LSM14A: variants seen among roughly 807,000 people sequenced by gnomAD.
LSM14A encodes the protein LSM14A mRNA processing body assembly factor, also known as protein LSM14 homolog A.
Under a neutral mutation model 52.4 loss-of-function variants are expected in LSM14A, and 14 were observed. That is an observed-to-expected ratio of 0.27 (90% CI 0.18 to 0.42). The LOEUF (loss-of-function observed/expected upper bound fraction) is 0.42. LSM14A is among the 10% of genes least tolerant of loss of function. The pLI, the probability that LSM14A is intolerant of heterozygous loss-of-function variation, is 1.00. For missense variants in LSM14A, 417 were observed against 581.8 expected (o/e 0.72, Z 2.91); for synonymous variants, 185 against 200.3 (o/e 0.92, Z 0.64).
chr19:34,195,485 T>C lies in LSM14A; in HGVS notation c.285+844T>C, dbSNP rs146241483. ...GAGCCACTGTGCCTGGCCTGCAATGTTATATAATAAGAAAACACAAACATC... is the reference window on the plus strand; with the variant it reads ...GAGCCACTGTGCCTGGCCTGCAATGCTATATAATAAGAAAACACAAACATC... On this transcript the variant is annotated intron_variant, in intron 2 of 9. Coordinates refer to ENST00000544216, the MANE Select transcript of LSM14A (RefSeq NM_015578.4). Among the ~76,000 whole-genome samples, 25 of 152,284 alleles carry C rather than the reference T, an allele frequency of 1.6e-4. No individual in the cohort carries two copies. The East Asian group carries it at 4.6e-3, about 28-fold the overall frequency.
chr19:34,217,992 C>G (rs1043461304), intron 6 of LSM14A, among the ~76,000 whole-genome samples: 70 of 124,540 alleles, frequency 5.6e-4, no homozygotes, highest in Non-Finnish European at 9.4e-4. Flanking sequence ...ATACCCAAAA[C>G]CTTTTTTTTT....
intron 4 of LSM14A, among the ~76,000 whole-genome samples, chr19:34,211,876 A>G (rs1568493520): frequency 6.6e-6 from 1 of 152,210 alleles, no homozygotes. Context: ...ATGCAAATAG[A>G]ATAGTAGGAG....
At chr19:34,191,440 CTCT>C (rs1484910472) in intron 1 of LSM14A, among the ~76,000 whole-genome samples, 2 of 151,950 alleles carry the variant, frequency 1.3e-5, no homozygotes, top group East Asian at 1.9e-4. Flanking sequence ...TTTGATTCTT[CTCT>C]TCTTCTTTAC....
In LSM14A at chr19:34,213,019, C is replaced by T. The variant is rs1330610088; in HGVS notation, c.539-2105C>T. Among the ~76,000 whole-genome samples, 7 of 152,096 alleles carry T rather than the reference C, an allele frequency of 4.6e-5. No individual in the cohort carries two copies. In the East Asian group the frequency reaches 9.6e-4, roughly 21 times the overall value. ...AAAAAAAATTAGCAAGGTGTGGTAGCGCACATCTATAGTCCTAGCTACTCA... is the reference window on the plus strand; with the variant it reads ...AAAAAAAATTAGCAAGGTGTGGTAGTGCACATCTATAGTCCTAGCTACTCA... On this transcript the variant is annotated intron_variant, in intron 4 of 9. Coordinates refer to ENST00000544216, the MANE Select transcript of LSM14A (RefSeq NM_015578.4).
At chr19:34,212,609 A>G (rs968713197) in intron 4 of LSM14A, among the ~76,000 whole-genome samples, 24 of 152,222 alleles carry the variant, frequency 1.6e-4, no homozygotes, top group Admixed American at 3.3e-4. Flanking sequence ...GAATTTCACA[A>G]AATTAAAATT....
intron 1 of LSM14A, among the ~76,000 whole-genome samples, chr19:34,179,626 A>G (rs1330709518): frequency 1.3e-5 from 2 of 152,174 alleles, no homozygotes; most frequent in Non-Finnish European, 2.9e-5. Context: ...GGGGTAAGTA[A>G]GGTAAGCCAT....
chr19:34,214,342 T>C (rs2072414076), intron 4 of LSM14A, among the ~76,000 whole-genome samples: 1 of 151,738 alleles, frequency 6.6e-6, no homozygotes, highest in South Asian at 2.1e-4. Flanking sequence ...GACAGGGCCT[T>C]GCTCTGTCAC....
intron 4 of LSM14A, among the ~76,000 whole-genome samples, chr19:34,211,954 A>T (rs2072192812): frequency 6.6e-6 from 1 of 152,210 alleles, no homozygotes; most frequent in Non-Finnish European, 1.5e-5. Flanking sequence ...GAAAAATAAA[A>T]GTAATGGGTT....
At chr19:34,210,116 G>GT (rs1487338658) in intron 4 of LSM14A, among the ~76,000 whole-genome samples, 1 of 152,044 alleles carries the variant, frequency 6.6e-6, no homozygotes, top group African/African-American at 2.4e-5. Flanking sequence ...GTAAAACAAT[G>GT]TTGAGTCATT....
chr19:34,204,548 C>CAAA lies in LSM14A; in HGVS notation c.416-4367_416-4365dup, dbSNP rs34920125. ...GGAACATAGGGAGACCTTGTCTCTGCAAAAAAAAAAAAAAAATTTAAGTAG... is the reference window on the plus strand; with the variant it reads ...GGAACATAGGGAGACCTTGTCTCTGCAAAAAAAAAAAAAAAAAAATTTAAGTAG... On this transcript the variant is annotated intron_variant, in intron 3 of 9. Coordinates refer to ENST00000544216, the MANE Select transcript of LSM14A (RefSeq NM_015578.4). 1.7e-3 allele frequency among the ~76,000 whole-genome samples: 208 copies of CAAA among 123,422 alleles called. 1 individual carries two copies. Among genetic ancestry groups the CAAA allele is most frequent in the African/African-American group, 5.5e-3 (185 of 33,380 alleles). The allele number at this position is 123,422 out of a possible 152,430, so 81.0% of individuals were successfully genotyped here.
chr19:34,209,625 C>G (rs1267742665), intron 4 of LSM14A, among the ~76,000 whole-genome samples: 1 of 152,156 alleles, frequency 6.6e-6, no homozygotes, highest in East Asian at 1.9e-4. Context: ...TTCAACCAGC[C>G]AGTCTCATAA....
intron 3 of LSM14A, among the ~76,000 whole-genome samples, chr19:34,198,450 C>T (rs779121881): frequency 3.2e-4 from 48 of 151,728 alleles, no homozygotes; most frequent in Non-Finnish European, 6.5e-4. Flanking sequence ...CCCATCTCTA[C>T]TAAAAATACA....
rs368274705 is a variant in LSM14A, at chr19:34,194,619, C to T, written c.263C>T (p.Pro88Leu). The change falls in exon 2 of 10, where the codon CCT (proline) becomes CTT (leucine). Residue 88 changes from proline to leucine, a missense_variant. Physicochemically the swap from Pro to Leu is moderately conservative, Grantham distance 98. Transcript: ENST00000544216. ...CEPPKPQCSL[P>L]QDPAIVQSSL... The stretch of plus-strand genomic sequence containing the variant: ...CCACCAAAACCACAGTGTTCTTTGC[C>T]TCAAGACCCAGCTATTGTTCAGGTA... 6.2e-7 allele frequency: 1 copy of T among 1,614,180 alleles called. No homozygotes were observed. Among genetic ancestry groups the T allele is most frequent in the Non-Finnish European group, 8.5e-7 (1 of 1,180,030 alleles).
chr19:34,217,574 C>T (rs1248602120), intron 6 of LSM14A, among the ~76,000 whole-genome samples: 3 of 131,706 alleles, frequency 2.3e-5, no homozygotes, highest in African/African-American at 8.6e-5. Context: ...ATGTACTCTT[C>T]TCTACATTTA....
chr19:34,218,769 G>C (rs2072857897), intron 6 of LSM14A, among the ~76,000 whole-genome samples: 1 of 152,158 alleles, frequency 6.6e-6, no homozygotes, highest in Non-Finnish European at 1.5e-5. Flanking sequence ...GAGAGAGAAT[G>C]TGTAGATACA....
chr19:34,197,834 G>A (rs529004625), intron 3 of LSM14A, among the ~76,000 whole-genome samples: 133 of 152,238 alleles, frequency 8.7e-4, no homozygotes, highest in Non-Finnish European at 1.5e-3. Flanking sequence ...TTTTGTTTCT[G>A]TAACACTGGA....
At chr19:34,212,652 A>G (rs1328995035) in intron 4 of LSM14A, among the ~76,000 whole-genome samples, 1 of 152,254 alleles carries the variant, frequency 6.6e-6, no homozygotes, top group Non-Finnish European at 1.5e-5. Context: ...GATTGTGAAG[A>G]TAGCTCAAGG....
intron 1 of LSM14A, among the ~76,000 whole-genome samples, chr19:34,185,440 G>A (rs975621266): frequency 2.0e-5 from 3 of 152,198 alleles, no homozygotes; most frequent in African/African-American, 7.2e-5. Flanking sequence ...AGTAGTGTGG[G>A]TAAGGGTGAA....
rs2073442534 is a variant in LSM14A at position 34,228,281 on chromosome 19, C to T, written c.*893C>T. On this transcript the variant is annotated 3_prime_UTR_variant, in exon 10 of 10. Transcript: ENST00000544216. ...TTATTCATGCTCATTGTAAGAACTTCATTTTGTAGCAAATGGCATATCACA... is the reference window on the plus strand; with the variant it reads ...TTATTCATGCTCATTGTAAGAACTTTATTTTGTAGCAAATGGCATATCACA... 1 of 152,574 alleles carries T rather than the reference C, an allele frequency of 6.6e-6. No individual in the cohort carries two copies. Among genetic ancestry groups the T allele is most frequent in the African/African-American group, 2.4e-5 (1 of 41,428 alleles). The allele number at this position is 152,574 out of a possible 1,614,324, so 9.5% of individuals were successfully genotyped here. A position where few individuals can be genotyped will look rare whatever the true frequency, so the allele number is the denominator to read the frequency against.
Sources: allele counts gnomAD v4.1 joint callset (sites outside exome capture counted in the v4.1 genomes callset), GRCh38; gene constraint gnomAD v4.1.1; transcripts MANE v1.5; gene names NCBI Gene and HGNC (gene_info 2026-07-23, HGNC 2026-07-21).